Variants in PASD1 observed in about 807,000 individuals in gnomAD.
PASD1 encodes PAS domain containing repressor 1.
A neutral mutation model predicts 58.8 loss-of-function variants in PASD1; 13 were observed. The observed-to-expected ratio is 0.22, with a 90% confidence interval of 0.14 to 0.35. PASD1 has a LOEUF of 0.35. Among genes scored for constraint, PASD1 ranks in the 10% least tolerant of loss-of-function variants. The probability of loss-of-function intolerance (pLI) is 1.00; values close to 1 mark genes in which losing one functional copy is unlikely to be tolerated. For missense variants in PASD1, 734 were observed against 568.3 expected (o/e 1.29, Z -2.96); for synonymous variants, 236 against 216.7 (o/e 1.09, Z -0.78).
At chrX:151,622,207 T>G (rs993314223) in intron 6 of PASD1, among the ~76,000 whole-genome samples, 3 of 111,062 alleles carry the variant, frequency 2.7e-5, no homozygotes, top group African/African-American at 9.8e-5. Context: ...TTTACAAATT[T>G]TGAGGTTTCA....
Position 151,611,726 on chromosome X carries a change from C to T in PASD1, c.180C>T (p.Asn60=), listed in dbSNP as rs372859246. Residue 60 remains asparagine (N), a synonymous_variant, in exon 4 of 16, where the codon AAC becomes AAT. Coordinates refer to ENST00000370357, the MANE Select transcript of PASD1 (RefSeq NM_173493.3). ...GAGTGATCATTTGTGTGGCTGAAAA[C>T]ATCTCTTCTCTTCTTGGACATTTAC... ...TDGVIICVAE[N]ISSLLGHLPA... The T allele has an allele frequency of 3.2e-4, 388 of 1,203,670 alleles. 1 individual carries two copies. Among genetic ancestry groups the T allele is most frequent in the Non-Finnish European group, 3.9e-4 (352 of 891,243 alleles).
At position 151,657,115 on chromosome X, in the gene PASD1, C is replaced by T. The variant is rs899668234; in HGVS notation, c.718-2598C>T. On this transcript the variant is annotated intron_variant, in intron 9 of 15. Transcript: ENST00000370357. ...GCCTTTTCTGCATCTATTGAGATAA[C>T]CATGTGGTTTTTGTCATTGGTTCTG... 2.2e-4 allele frequency among the ~76,000 whole-genome samples: 24 copies of T among 111,619 alleles called. No homozygotes were observed. In the Admixed American group the frequency reaches 2.2e-3, roughly 10 times the overall value.
At chrX:151,672,845 G>A in intron 14 of PASD1, 184 bp downstream of exon 14, 1 of 691,524 alleles carries the variant, frequency 1.4e-6, no homozygotes, top group Middle Eastern at 5.1e-4. Context: ...TGCATGTGTG[G>A]TGCATGGATG....
intron 1 of PASD1, among the ~76,000 whole-genome samples, chrX:151,589,230 G>A (rs2013213350): frequency 9.0e-6 from 1 of 110,996 alleles, no homozygotes; most frequent in Admixed American, 9.6e-5. Context: ...CATTACGCGG[G>A]CATACATTAG....
rs1329181025 is a variant in PASD1, at chrX:151,676,228, G to A, written c.*85G>A. On this transcript the variant is annotated 3_prime_UTR_variant, in exon 16 of 16. Transcript: ENST00000370357. Reference sequence around the variant, plus strand: ...TGCATGGCCAGGGGACCTTCAAGGTGCGTAAAGTCCCTTGGGGTAGGGTTT... The same window carrying A: ...TGCATGGCCAGGGGACCTTCAAGGTACGTAAAGTCCCTTGGGGTAGGGTTT... The A allele has an allele frequency of 7.9e-6, 8 of 1,012,407 alleles. No individual in the cohort carries two copies. The highest frequency in any genetic ancestry group is 1.1e-5 in the Non-Finnish European group (8 of 742,493). The allele number at this position is 1,012,407 out of a possible 1,213,427, so 83.4% of individuals were successfully genotyped here. A position where few individuals can be genotyped will look rare whatever the true frequency, so the allele number is the denominator to read the frequency against.
At chrX:151,624,251 G>A (rs10127103) in intron 7 of PASD1, among the ~76,000 whole-genome samples, 7,935 of 111,044 alleles carry the variant, frequency 0.071, 581 homozygotes, top group African/African-American at 0.21. Flanking sequence ...GAAACATCTC[G>A]TGGAGGATTT....
intron 7 of PASD1, 83 bp from the exon 8 acceptor site, chrX:151,625,365 C>A (rs1003786296): frequency 1.4e-5 from 9 of 655,247 alleles, no homozygotes; most frequent in Middle Eastern, 3.4e-4. Flanking sequence ...TGGATATGAG[C>A]ATGCCTCCAA....
At chrX:151,592,014 T>C (rs2066487906) in intron 1 of PASD1, among the ~76,000 whole-genome samples, 1 of 112,244 alleles carries the variant, frequency 8.9e-6, no homozygotes, top group Non-Finnish European at 1.9e-5. Flanking sequence ...GCTATATGTA[T>C]GTGTTTACCA....
intron 1 of PASD1, among the ~76,000 whole-genome samples, chrX:151,573,654 A>G (rs2012958846): frequency 8.9e-6 from 1 of 112,609 alleles, no homozygotes; most frequent in African/African-American, 3.2e-5. Context: ...AGTGCTTTGA[A>G]AGATTTATAT....
chrX:151,672,219 C>G lies in PASD1; in HGVS notation c.1474C>G (p.Gln492Glu). 8.8e-7 allele frequency: 1 copy of G among 1,137,040 alleles called. No individual in the cohort carries two copies. The highest frequency in any genetic ancestry group is 1.2e-6 in the Non-Finnish European group (1 of 850,789). 93.7% of individuals were successfully genotyped at this position (1,137,040 alleles called of 1,213,427 possible). Residue 492 changes from glutamine to glutamate, a missense_variant, in exon 14 of 16, where the codon CAG becomes GAG. By Grantham distance (29) the Gln-to-Glu change is conservative. Transcript: ENST00000370357. Reference protein sequence around the residue: ...LVQQEQHLKEQQRQLREQLQQ... With the variant: ...LVQQEQHLKEEQRQLREQLQQ... ...GCAGCAAGAACAACACCTGAAGGAG[C>G]AGCAGCGGCAGCTGCGGGAGCAGCT...
intron 8 of PASD1, among the ~76,000 whole-genome samples, chrX:151,647,030 G>GC (rs2014069424): frequency 8.9e-6 from 1 of 112,045 alleles, no homozygotes; most frequent in African/African-American, 3.2e-5. Flanking sequence ...GTGGAAGGTG[G>GC]CACTGTTCAC....
At chrX:151,648,884 T>C (rs758224202) in intron 9 of PASD1, among the ~76,000 whole-genome samples, 182 bp downstream of exon 9, 1 of 111,968 alleles carries the variant, frequency 8.9e-6, no homozygotes, top group Admixed American at 9.5e-5. Flanking sequence ...CTTCGAATGG[T>C]CCCTGTAGTG....
At chrX:151,564,465 TGAG>T (rs902868332) in intron 1 of PASD1, among the ~76,000 whole-genome samples, 7 of 111,201 alleles carry the variant, frequency 6.3e-5, no homozygotes, top group South Asian at 3.8e-4. Context: ...TTTCAAATGA[TGAG>T]GAGTTTATGT....
intron 4 of PASD1, among the ~76,000 whole-genome samples, chrX:151,614,943 A>G (rs1402896751): frequency 2.7e-5 from 3 of 112,115 alleles, no homozygotes; most frequent in Non-Finnish European, 5.6e-5. Flanking sequence ...TATTTGTAGG[A>G]TACCAAAACA....
At chrX:151,591,958 C>G (rs1466752980) in intron 1 of PASD1, among the ~76,000 whole-genome samples, 1 of 111,723 alleles carries the variant, frequency 9.0e-6, no homozygotes, top group African/African-American at 3.2e-5. Context: ...AATTTTAATG[C>G]CTCTTTTATC....
chrX:151,622,915 C>A, intron 6 of PASD1, 22 bp from the exon 7 acceptor site: 1 of 1,194,593 alleles, frequency 8.4e-7, no homozygotes, highest in Non-Finnish European at 1.1e-6. Flanking sequence ...TCTGTTTTCA[C>A]ATGTGTGTCT....
At chrX:151,621,229 C>G (rs1231644892) in intron 5 of PASD1, among the ~76,000 whole-genome samples, 200 bp downstream of exon 5, 10 of 111,236 alleles carry the variant, frequency 9.0e-5, no homozygotes, top group Non-Finnish European at 5.7e-5. Context: ...TCACCACAGA[C>G]CCTGAGTATT....
At chrX:151,599,231 G>C (rs2013364149) in intron 1 of PASD1, among the ~76,000 whole-genome samples, 1 of 112,469 alleles carries the variant, frequency 8.9e-6, no homozygotes, top group Admixed American at 9.3e-5. Flanking sequence ...TTTCTACACA[G>C]ACACAGTAAC....
intron 8 of PASD1, among the ~76,000 whole-genome samples, chrX:151,646,909 G>T (rs1306687831): frequency 7.1e-5 from 8 of 112,308 alleles, no homozygotes; most frequent in Non-Finnish European, 9.4e-5. Context: ...AAATTAACCA[G>T]GTAGAAAAAG....
Sources: gnomAD v4.1 joint callset for allele counts (sites outside exome capture counted in the v4.1 genomes callset) on GRCh38, gnomAD v4.1.1 for gene constraint, MANE v1.5 for transcripts, NCBI Gene and HGNC (gene_info 2026-07-23, HGNC 2026-07-21) for gene names.